Variants in FBN2 observed in about 807,000 individuals in gnomAD.
FBN2 encodes fibrillin 2, also known as fibrillin-2.
Under a neutral mutation model 355.6 loss-of-function variants are expected in FBN2, and 105 were observed. That is an observed-to-expected ratio of 0.30 (90% confidence interval 0.25 to 0.35). The LOEUF (loss-of-function observed/expected upper bound fraction) is 0.35. Ranked by LOEUF, FBN2 falls within the 10% of genes least tolerant of loss-of-function variation. FBN2 has a pLI of 1.00. For synonymous variants in FBN2, 1,350 were observed against 1,301.2 expected, an observed-to-expected ratio of 1.04 and a Z score of -0.81; for missense variants, 3,280 against 3,758.7, an observed-to-expected ratio of 0.87 and a Z score of 3.33.
chr5:128,502,622 T>TACTC (rs1755849316), intron 5 of FBN2, among the ~76,000 whole-genome samples: 1 of 152,162 alleles, frequency 6.6e-6, no homozygotes, highest in African/African-American at 2.4e-5. Context: ...ATATCATACT[T>TACTC]ACTCCCCTTA....
intron 5 of FBN2, among the ~76,000 whole-genome samples, chr5:128,478,638 A>G (rs558006933): frequency 7.5e-4 from 115 of 152,348 alleles, no homozygotes; most frequent in African/African-American, 2.6e-3. Context: ...AGGTCTTTTC[A>G]GGACAAAATG....
At chr5:128,301,628 A>G in intron 46 of FBN2, 118 bp from the exon 47 acceptor site, 1 of 947,510 alleles carries the variant, frequency 1.1e-6, no homozygotes. Flanking sequence ...CCATATTACA[A>G]CTCCTCATCA....
intron 5 of FBN2, among the ~76,000 whole-genome samples, chr5:128,490,739 T>A (rs1480700381): frequency 2.0e-5 from 3 of 152,210 alleles, no homozygotes; most frequent in African/African-American, 7.2e-5. Context: ...ACATGTTCAA[T>A]AAATTCTTAA....
chr5:128,518,843 G>A (rs1304104472), intron 5 of FBN2, among the ~76,000 whole-genome samples: 3 of 152,174 alleles, frequency 2.0e-5, no homozygotes, highest in Admixed American at 2.0e-4. Flanking sequence ...CCACTAGCTC[G>A]AGACTTTTTG....
At position 128,369,243 on chromosome 5, in the gene FBN2, G is replaced by A; in HGVS notation, c.2187C>T (p.Cys729=). The change falls in exon 16 of 65, where the codon TGC becomes TGT. Residue 729 remains cysteine (C), a synonymous_variant. Transcript: ENST00000262464. ...FPGAVTKSEC[C]CANPDYGFGE... ...CAAAACCATAGTCTGGATTGGCACA[G>A]CAGCATTCGGACTTGGTCACTGCAC... 1.9e-6 allele frequency: 3 copies of A among 1,614,156 alleles called. No individual in the cohort carries two copies. Among genetic ancestry groups the A allele is most frequent in the Non-Finnish European group, 2.5e-6 (3 of 1,180,008 alleles).
chr5:128,537,808 G>C lies in FBN2; in HGVS notation c.-205C>G. On this transcript the variant is annotated 5_prime_UTR_variant, in exon 1 of 65. Transcript: ENST00000262464. ...CCCGCGAAGCGAGACGCGGGGCGCC[G>C]GGTCTAGCGCAGTGAGCGGCGAGGC... is the stretch of plus-strand genomic sequence containing the variant. 3.2e-6 allele frequency: 2 copies of C among 618,376 alleles called. No homozygotes were observed. The highest frequency in any genetic ancestry group is 5.7e-6 in the Non-Finnish European group (2 of 351,638). The allele number at this position is 618,376 out of a possible 1,614,324, so 38.3% of individuals were successfully genotyped here. A position where few individuals can be genotyped will look rare whatever the true frequency, so the allele number is the denominator to read the frequency against.
chr5:128,397,351 T>C (rs1004234053), intron 8 of FBN2, among the ~76,000 whole-genome samples: 2 of 152,194 alleles, frequency 1.3e-5, no homozygotes, highest in African/African-American at 4.8e-5. Context: ...ACTAACGTTA[T>C]AAAACACAAT....
At chr5:128,408,822 G>A (rs1752996890) in intron 7 of FBN2, 23 bp from the exon 8 acceptor site, 1 of 1,613,600 alleles carries the variant, frequency 6.2e-7, no homozygotes, top group Admixed American at 1.7e-5. Context: ...AGAAGGAGAA[G>A]ATGATTGAGA....
In FBN2 at chr5:128,283,380, T is replaced by A. The variant is rs185889393; in HGVS notation, c.7013-3063A>T. Among the ~76,000 whole-genome samples the A allele has an allele frequency of 7.2e-4, 110 of 152,376 alleles. 1 individual carries two copies. The highest frequency in any genetic ancestry group is 3.5e-3 in the Admixed American group (54 of 15,306). The stretch of plus-strand genomic sequence containing the variant: ...TGTTTCCTTAATGTGTGTGCTCCAC[T>A]GAAACCTCCTGAAGAAGTCACCAAA... On this transcript the variant is annotated intron_variant, in intron 55 of 64. Transcript: ENST00000262464.
chr5:128,267,526 A>T (rs1346779506), intron 62 of FBN2, among the ~76,000 whole-genome samples: 1 of 152,186 alleles, frequency 6.6e-6, no homozygotes, highest in Non-Finnish European at 1.5e-5. Flanking sequence ...AACTGGCATG[A>T]GATGGTATCT....
At chr5:128,488,415 T>C (rs540681051) in intron 5 of FBN2, among the ~76,000 whole-genome samples, 1 of 152,324 alleles carries the variant, frequency 6.6e-6, no homozygotes, top group East Asian at 1.9e-4. Context: ...CTCAGCTTAA[T>C]AAAATTTCAA....
intron 8 of FBN2, 112 bp downstream of exon 8, chr5:128,408,562 T>C: frequency 1.6e-6 from 2 of 1,268,562 alleles, no homozygotes; most frequent in East Asian, 4.8e-5. Context: ...ATTAAACAAC[T>C]CATTCAGCCA....
chr5:128,398,969 C>A (rs1441253096), intron 8 of FBN2, among the ~76,000 whole-genome samples: 1 of 152,144 alleles, frequency 6.6e-6, no homozygotes, highest in African/African-American at 2.4e-5. Context: ...AACTGTAAGT[C>A]CAATAAATCT....
intron 5 of FBN2, among the ~76,000 whole-genome samples, chr5:128,467,473 T>C (rs1189156421): frequency 6.6e-6 from 1 of 152,130 alleles, no homozygotes; most frequent in Non-Finnish European, 1.5e-5. Flanking sequence ...TACTAGATAT[T>C]GTAAAAGAAT....
intron 48 of FBN2, among the ~76,000 whole-genome samples, chr5:128,296,183 A>G (rs1749504065): frequency 6.6e-6 from 1 of 151,504 alleles, no homozygotes; most frequent in Non-Finnish European, 1.5e-5. Flanking sequence ...CCCAGGGATG[A>G]AGCCCACTTG....
chr5:128,494,116 A>G (rs1175250382), intron 5 of FBN2, among the ~76,000 whole-genome samples: 1 of 152,172 alleles, frequency 6.6e-6, no homozygotes, highest in Non-Finnish European at 1.5e-5. Context: ...ACTAGAGGTG[A>G]TCAGCCCTAC....
chr5:128,536,552 G>A (rs879154931), intron 1 of FBN2, 68 bp from the exon 2 acceptor site: 18 of 1,072,064 alleles, frequency 1.7e-5, no homozygotes, highest in Middle Eastern at 2.0e-4. Flanking sequence ...AACGGTCTTC[G>A]TAAGCAATGC....
chr5:128,307,678 T>A (rs1392048459), intron 41 of FBN2, among the ~76,000 whole-genome samples: 2 of 151,878 alleles, frequency 1.3e-5, no homozygotes, highest in East Asian at 3.8e-4. Context: ...TTGTCTTTTT[T>A]TTTTTTACTG....
intron 15 of FBN2, among the ~76,000 whole-genome samples, chr5:128,373,766 C>T (rs1189150141): frequency 1.3e-5 from 2 of 152,134 alleles, no homozygotes; most frequent in Admixed American, 6.6e-5. Flanking sequence ...TTCTGTTTTG[C>T]CTGCCTCTTC....
Sources: allele counts gnomAD v4.1 joint callset (sites outside exome capture counted in the v4.1 genomes callset), GRCh38; gene constraint gnomAD v4.1.1; transcripts MANE v1.5; gene names NCBI Gene and HGNC (gene_info 2026-07-23, HGNC 2026-07-21).